The following SQLE variants were observed in gnomAD, a reference collection of about 807,000 sequenced individuals.
SQLE encodes squalene epoxidase.
A neutral mutation model predicts 60.7 loss-of-function variants in SQLE; 29 were observed. The observed-to-expected ratio is 0.48, with a 90% CI of 0.36 to 0.65. The LOEUF (loss-of-function observed/expected upper bound fraction) is 0.65. SQLE is among the 30% of genes least tolerant of loss of function. The pLI, the probability that SQLE is intolerant of heterozygous loss-of-function variation, is 0.00. For synonymous variants in SQLE, 237 were observed against 246.8 expected, an observed-to-expected ratio of 0.96 and a Z score of 0.37; for missense variants, 605 against 684.1, an observed-to-expected ratio of 0.88 and a Z score of 1.29.
rs1815140949 is a variant in SQLE, at chr8:125,018,196, T to C, written c.1342T>C (p.Phe448Leu). The change falls in exon 8 of 11, where the codon TTC (phenylalanine) becomes CTC (leucine). Residue 448 changes from phenylalanine (F) to leucine (L), a missense_variant. Coordinates refer to ENST00000265896, the MANE Select transcript of SQLE (RefSeq NM_003129.4). ...IPDLYDDAAI[F>L]EAKKSFYWAR... ...TGACCTTTATGATGATGCAGCTATTTTCGAGGTAAGATCAATTATTTTGAC... is the reference window on the plus strand; with the variant it reads ...TGACCTTTATGATGATGCAGCTATTCTCGAGGTAAGATCAATTATTTTGAC... 6.2e-7 allele frequency: 1 copy of C among 1,607,324 alleles called. No individual in the cohort carries two copies. Among genetic ancestry groups the C allele is most frequent in the Non-Finnish European group, 8.5e-7 (1 of 1,178,326 alleles).
chr8:125,021,732 A>G (rs1385592018), intron 10 of SQLE, 21 bp from the exon 11 acceptor site: 2 of 1,541,258 alleles, frequency 1.3e-6, no homozygotes, highest in South Asian at 2.4e-5. Flanking sequence ...TCTTACCAAT[A>G]TGTATTTTTT....
chr8:125,006,415 TC>T (rs1814946649), intron 3 of SQLE, among the ~76,000 whole-genome samples: 3 of 151,728 alleles, frequency 2.0e-5, no homozygotes, highest in Admixed American at 2.0e-4. Context: ...GGTCAGGAGT[TC>T]AAAACCAGCC....
intron 2 of SQLE, among the ~76,000 whole-genome samples, chr8:125,003,924 C>G (rs1266362887): frequency 6.6e-6 from 1 of 151,854 alleles, no homozygotes; most frequent in Non-Finnish European, 1.5e-5. Flanking sequence ...GTGGGAGAGA[C>G]ACAAAGAAGC....
chr8:125,003,328 G>C lies in SQLE; in HGVS notation c.444G>C (p.Lys148Asn), dbSNP rs372696440. The stretch of plus-strand genomic sequence containing the variant: ...CTGTGCTTTCCAGAGATGGAAGAAA[G>C]GTGACAGTCATTGAGAGAGACTTAA... Reference protein sequence around the residue: ...LAAVLSRDGRKVTVIERDLKE... With the variant: ...LAAVLSRDGRNVTVIERDLKE... Residue 148 changes from lysine to asparagine, a missense_variant, in exon 2 of 11, where the codon AAG (lysine) becomes AAC (asparagine). Coordinates refer to ENST00000265896, the MANE Select transcript of SQLE (RefSeq NM_003129.4). The C allele has an allele frequency of 1.3e-5, 21 of 1,613,990 alleles. No individual in the cohort carries two copies. Among genetic ancestry groups the C allele is most frequent in the Non-Finnish European group, 1.5e-5 (18 of 1,179,882 alleles).
At chr8:125,017,705 A>G (rs549362330) in intron 7 of SQLE, among the ~76,000 whole-genome samples, 2 of 152,294 alleles carry the variant, frequency 1.3e-5, no homozygotes, top group South Asian at 2.1e-4. Flanking sequence ...CTTGCTTTGT[A>G]TACCTGGATA....
At chr8:125,015,555 G>T (rs761077984) in intron 7 of SQLE, among the ~76,000 whole-genome samples, 4 of 151,996 alleles carry the variant, frequency 2.6e-5, no homozygotes, top group Non-Finnish European at 4.4e-5. Flanking sequence ...GTAGGCTTTT[G>T]ATTTGAAATT....
Position 125,005,581 on chromosome 8 carries a change from G to C in SQLE, c.601G>C (p.Glu201Gln). The C allele has an allele frequency of 6.2e-7, 1 of 1,611,920 alleles. No homozygotes were observed. The highest frequency in any genetic ancestry group is 8.5e-7 in the Non-Finnish European group (1 of 1,178,576). The change falls in exon 3 of 11, where the codon GAA becomes CAA. Residue 201 changes from glutamate (E) to glutamine (Q), a missense_variant. Glu to Gln is a conservative substitution (Grantham distance 29). Transcript: ENST00000265896. ...AAATGGTTACATGATTCATGATCAGGAAAGCAAATCAGAGGTTCAGATTCC... is the reference window on the plus strand; with the variant it reads ...AAATGGTTACATGATTCATGATCAGCAAAGCAAATCAGAGGTTCAGATTCC... ...VVNGYMIHDQESKSEVQIPYP... is the reference protein window; with the variant it reads ...VVNGYMIHDQQSKSEVQIPYP...
chr8:124,999,762 A>G, intron 1 of SQLE, 68 bp downstream of exon 1: 1 of 1,488,846 alleles, frequency 6.7e-7, no homozygotes, highest in Non-Finnish European at 8.9e-7. Flanking sequence ...ACTCAAATAT[A>G]AGTTTTATTT....
chr8:125,021,837 T>G lies in SQLE; in HGVS notation c.1617T>G (p.Pro539=), dbSNP rs751575678. The change falls in exon 11 of 11, where the codon CCT becomes CCG. Residue 539 remains proline, a synonymous_variant. Coordinates refer to ENST00000265896, the MANE Select transcript of SQLE (RefSeq NM_003129.4). ...YAVYFCFKSE[P]WITKPRALLS... is the part of the protein sequence containing the mutation. Reference sequence around the variant, plus strand: ...TGTATTTTTGCTTTAAGTCAGAACCTTGGATTACAAAACCTCGAGCCCTTC... The same window carrying G: ...TGTATTTTTGCTTTAAGTCAGAACCGTGGATTACAAAACCTCGAGCCCTTC... 4.3e-6 allele frequency: 7 copies of G among 1,610,660 alleles called. No individual in the cohort carries two copies. Among genetic ancestry groups the G allele is most frequent in the Non-Finnish European group, 5.9e-6 (7 of 1,178,162 alleles).
Position 125,022,064 on chromosome 8 carries a change from C to A in SQLE, c.*119C>A. The A allele has an allele frequency of 1.6e-6, 1 of 637,142 alleles. No homozygotes were observed. The highest frequency in any genetic ancestry group is 2.3e-6 in the Non-Finnish European group (1 of 438,292). 39.5% of individuals were successfully genotyped at this position (637,142 alleles called of 1,614,324 possible). A position where few individuals can be genotyped will look rare whatever the true frequency, so the allele number is the denominator to read the frequency against. On this transcript the variant is annotated 3_prime_UTR_variant, in exon 11 of 11. Transcript: ENST00000265896. Reference sequence around the variant, plus strand: ...ACTTATAAAGTGGAAACTCTTGGACCAAGATTTGGATTAATTTGTTTTTGA... The same window carrying A: ...ACTTATAAAGTGGAAACTCTTGGACAAAGATTTGGATTAATTTGTTTTTGA...
chr8:125,017,912 G>C, intron 7 of SQLE, 147 bp from the exon 8 acceptor site: 1 of 1,025,532 alleles, frequency 9.8e-7, no homozygotes, highest in African/African-American at 1.6e-5. Context: ...TTTTGCCTCA[G>C]CAAATTTTAA....
chr8:125,011,417 T>C, intron 6 of SQLE, 120 bp from the exon 7 acceptor site: 1 of 688,168 alleles, frequency 1.5e-6, no homozygotes, highest in South Asian at 2.3e-5. Context: ...ACAAGGGATA[T>C]ATGTAACAAC....
rs767413123 is a variant in SQLE, at chr8:125,021,951, A to T, written c.*6A>T. ...TGAAGTATATGGTTCATTAAGCTTA[A>T]AGGGGAACCATTTGTGAATGAATAT... On this transcript the variant is annotated 3_prime_UTR_variant, in exon 11 of 11. Transcript: ENST00000265896. 1.9e-6 allele frequency: 3 copies of T among 1,574,078 alleles called. No individual in the cohort carries two copies. Among genetic ancestry groups the T allele is most frequent in the Non-Finnish European group, 2.6e-6 (3 of 1,156,954 alleles).
chr8:125,008,896 C>T (rs922558061), intron 4 of SQLE, 75 bp from the exon 5 acceptor site: 4 of 1,011,684 alleles, frequency 4.0e-6, no homozygotes, highest in Non-Finnish European at 4.2e-6. Flanking sequence ...TCTCTTCACG[C>T]ACATTTTTTA....
intron 7 of SQLE, among the ~76,000 whole-genome samples, chr8:125,013,115 G>A (rs533763759): frequency 6.9e-4 from 105 of 152,042 alleles, no homozygotes; most frequent in Admixed American, 2.6e-4. Context: ...TTTATGTATT[G>A]TTGAGTTTCA....
Position 124,999,327 on chromosome 8 carries a change from A to G in SQLE, c.-77A>G, listed in dbSNP as rs1222302888. 3 of 1,392,672 alleles carry G rather than the reference A, an allele frequency of 2.2e-6. No homozygotes were observed. The highest frequency in any genetic ancestry group is 1.9e-4 in the Middle Eastern group (1 of 5,148). 86.3% of individuals were successfully genotyped at this position (1,392,672 alleles called of 1,614,324 possible). ...CTCTCCGTGCTCCTCTTGGTACCTCATTTTGGGGAGAACCTTAAACCCACT... is the reference window on the plus strand; with the variant it reads ...CTCTCCGTGCTCCTCTTGGTACCTCGTTTTGGGGAGAACCTTAAACCCACT... On this transcript the variant is annotated 5_prime_UTR_variant, in exon 1 of 11. Coordinates refer to ENST00000265896, the MANE Select transcript of SQLE (RefSeq NM_003129.4).
intron 7 of SQLE, among the ~76,000 whole-genome samples, chr8:125,014,916 T>C (rs1029968256): frequency 6.6e-6 from 1 of 152,186 alleles, no homozygotes; most frequent in African/African-American, 2.4e-5. Flanking sequence ...CTGTGAATAT[T>C]TGTTAGGTCT....
rs1437004918 is a variant in SQLE at position 125,020,956 on chromosome 8, C to G, written c.1532+85C>G. On this transcript the variant is annotated intron_variant, in intron 10 of 10. Coordinates refer to ENST00000265896, the MANE Select transcript of SQLE (RefSeq NM_003129.4). ...GATGAATTACTGCAAATCTTTCTTCCTTACACATTTTGATATTTTATTATC... is the reference window on the plus strand; with the variant it reads ...GATGAATTACTGCAAATCTTTCTTCGTTACACATTTTGATATTTTATTATC... The G allele has an allele frequency of 3.3e-6, 3 of 897,662 alleles. No individual in the cohort carries two copies. The East Asian group carries it at 7.7e-5, about 23-fold the overall frequency. 55.6% of individuals were successfully genotyped at this position (897,662 alleles called of 1,614,324 possible).
At position 125,018,104 on chromosome 8, in the gene SQLE, C is replaced by G; in HGVS notation, c.1250C>G (p.Thr417Ser). Residue 417 changes from threonine to serine, a missense_variant, in exon 8 of 11, where the codon ACT (threonine) becomes AGT (serine). Thr to Ser is a moderately conservative substitution (Grantham distance 58, BLOSUM62 1). Coordinates refer to ENST00000265896, the MANE Select transcript of SQLE (RefSeq NM_003129.4). Reference sequence around the variant, plus strand: ...GCATATAATATGAGGCATCCACTTACTGGTGGAGGAATGACTGTTGCTTTT... The same window carrying G: ...GCATATAATATGAGGCATCCACTTAGTGGTGGAGGAATGACTGTTGCTTTT... The part of the protein sequence containing the change: ...GDAYNMRHPL[T>S]GGGMTVAFKD... The G allele has an allele frequency of 6.2e-7, 1 of 1,613,744 alleles. No individual in the cohort carries two copies. The highest frequency in any genetic ancestry group is 8.5e-7 in the Non-Finnish European group (1 of 1,179,672).
Sources: allele counts gnomAD v4.1 joint callset (sites outside exome capture counted in the v4.1 genomes callset), GRCh38; gene constraint gnomAD v4.1.1; transcripts MANE v1.5; gene names NCBI Gene and HGNC (gene_info 2026-07-23, HGNC 2026-07-21).